AMMECR1: variants seen among roughly 807,000 people sequenced by gnomAD.
The protein encoded by AMMECR1 is nuclear protein AMMECR1.
In AMMECR1, 3 loss-of-function variants were observed where a neutral mutation model predicts 22.5. The observed-to-expected ratio is 0.13, with a 90% CI of 0.06 to 0.35. The LOEUF (loss-of-function observed/expected upper bound fraction) is 0.35. Among genes scored for constraint, AMMECR1 ranks in the 10% least tolerant of loss-of-function variants. The pLI, the probability that AMMECR1 is intolerant of heterozygous loss-of-function variation, is 1.00. For missense variants in AMMECR1, 235 were observed against 278.7 expected (o/e 0.84, Z 1.12); for synonymous variants, 130 against 116.7 (o/e 1.11, Z -0.74).
chrX:110,426,154 G>A lies in AMMECR1; in HGVS notation c.-148+504C>T, dbSNP rs780013969. On this transcript the variant is annotated intron_variant, in intron 2 of 7. Coordinates refer to the AMMECR1 transcript ENST00000372057. ...GATGCTATTAAATTTAACCTAAAGCGGGGGTTTTGCACCGGTGAGCAAAGT... is the reference window on the plus strand; with the variant it reads ...GATGCTATTAAATTTAACCTAAAGCAGGGGTTTTGCACCGGTGAGCAAAGT... Among the ~76,000 whole-genome samples, 4 of 112,209 alleles carry A rather than the reference G, an allele frequency of 3.6e-5. No individual in the cohort carries two copies. The South Asian group carries it at 1.1e-3, about 31-fold the overall frequency.
intron 2 of AMMECR1, among the ~76,000 whole-genome samples, chrX:110,401,324 G>A (rs1047816292): frequency 9.0e-6 from 1 of 110,919 alleles, no homozygotes; most frequent in African/African-American, 3.3e-5. Flanking sequence ...AGTGTGTCTC[G>A]GGGACTCAGT....
At chrX:110,354,806 A>G (rs1451923648) in intron 2 of AMMECR1, among the ~76,000 whole-genome samples, 2 of 112,084 alleles carry the variant, frequency 1.8e-5, no homozygotes, top group Non-Finnish European at 3.8e-5. Context: ...CATGCAGAAG[A>G]ATGAAACTAG....
intron 2 of AMMECR1, among the ~76,000 whole-genome samples, chrX:110,235,937 C>T (rs2067598512): frequency 9.2e-6 from 1 of 109,130 alleles, no homozygotes; most frequent in African/African-American, 3.4e-5. Flanking sequence ...GTTGTGCAGA[C>T]GTACCCTAGA....
intron 2 of AMMECR1, among the ~76,000 whole-genome samples, chrX:110,326,960 G>A (rs2068100121): frequency 8.9e-6 from 1 of 111,823 alleles, no homozygotes; most frequent in African/African-American, 3.3e-5. Context: ...TCAGGAAAAG[G>A]AAAGAATTTA....
intron 2 of AMMECR1, among the ~76,000 whole-genome samples, chrX:110,368,282 G>A (rs887529284): frequency 1.8e-5 from 2 of 110,571 alleles, no homozygotes; most frequent in African/African-American, 6.6e-5. Flanking sequence ...ACCGTCCGTG[G>A]CCTTTTATAT....
upstream of AMMECR1, among the ~76,000 whole-genome samples, chrX:110,319,113 T>A (rs1215623697): frequency 1.8e-5 from 2 of 112,664 alleles, no homozygotes; most frequent in Admixed American, 9.3e-5. Flanking sequence ...TATTCATTTT[T>A]AAAATTTCTC....
At chrX:110,342,501 A>C (rs2068168823) in intron 2 of AMMECR1, among the ~76,000 whole-genome samples, 1 of 110,907 alleles carries the variant, frequency 9.0e-6, no homozygotes, top group Admixed American at 9.5e-5. Context: ...CCTCCTGAGT[A>C]GCTGGGATTA....
At chrX:110,258,937 A>AG (rs1399034098) in intron 2 of AMMECR1, among the ~76,000 whole-genome samples, 2 of 112,026 alleles carry the variant, frequency 1.8e-5, no homozygotes, top group African/African-American at 6.5e-5. Context: ...CTACTATGAC[A>AG]GGGAAAATAT....
At chrX:110,290,679 TC>T (rs779265637) in intron 1 of AMMECR1, among the ~76,000 whole-genome samples, 13 of 111,261 alleles carry the variant, frequency 1.2e-4, no homozygotes, top group African/African-American at 3.9e-4. Flanking sequence ...ACAATTTCCC[TC>T]CTAAATCAAT....
chrX:110,241,127 A>G (rs1409062865), intron 2 of AMMECR1, among the ~76,000 whole-genome samples: 1 of 112,101 alleles, frequency 8.9e-6, no homozygotes, highest in Non-Finnish European at 1.9e-5. Flanking sequence ...AGGAGAAAGC[A>G]GGAAAGATCT....
intron 2 of AMMECR1, among the ~76,000 whole-genome samples, chrX:110,392,272 G>GTTTTT (rs377409601): frequency 4.7e-5 from 4 of 85,080 alleles, no homozygotes; most frequent in Middle Eastern, 5.9e-3. Flanking sequence ...TCTACCACAG[G>GTTTTT]TTTTTTTTTT....
chrX:110,411,573 A>G (rs772732471), intron 2 of AMMECR1, among the ~76,000 whole-genome samples: 1 of 112,205 alleles, frequency 8.9e-6, no homozygotes, highest in African/African-American at 3.2e-5. Context: ...GAAACTGTAG[A>G]ATCTATGAAG....
intron 1 of AMMECR1, among the ~76,000 whole-genome samples, chrX:110,293,128 C>A (rs973392699): frequency 1.8e-5 from 2 of 112,210 alleles, no homozygotes; most frequent in South Asian, 7.3e-4. Context: ...TACATAAATT[C>A]TAGTAGTATA....
intron 2 of AMMECR1, chrX:110,419,181 A>G (rs1352148746): frequency 1.8e-5 from 2 of 111,737 alleles, no homozygotes; most frequent in Non-Finnish European, 3.8e-5. Flanking sequence ...TCAGCTTCAA[A>G]ATGCATGTAC....
At chrX:110,288,548 T>C (rs1168687176) in intron 1 of AMMECR1, among the ~76,000 whole-genome samples, 2 of 111,945 alleles carry the variant, frequency 1.8e-5, no homozygotes, top group African/African-American at 6.5e-5. Flanking sequence ...ATCATAGACA[T>C]TACTGCAGGG....
At chrX:110,262,062 AATC>A (rs1410978616) in intron 2 of AMMECR1, among the ~76,000 whole-genome samples, 2 of 112,158 alleles carry the variant, frequency 1.8e-5, no homozygotes, top group African/African-American at 6.5e-5. Context: ...TAACAAAAAT[AATC>A]ATAATAACAT....
At chrX:110,282,575 C>T (rs769529056) in intron 1 of AMMECR1, among the ~76,000 whole-genome samples, 1 of 111,981 alleles carries the variant, frequency 8.9e-6, no homozygotes, top group East Asian at 2.8e-4. Flanking sequence ...GAGACCTCTA[C>T]TAGGTAGACG....
intron 5 of AMMECR1, among the ~76,000 whole-genome samples, chrX:110,200,089 C>T (rs1382911325): frequency 9.0e-6 from 1 of 111,424 alleles, no homozygotes; most frequent in Non-Finnish European, 1.9e-5. Context: ...AATCACTTTC[C>T]TCCTGTCAAA....
intron 1 of AMMECR1, among the ~76,000 whole-genome samples, chrX:110,298,751 T>C (rs1377820699): frequency 3.6e-5 from 4 of 111,286 alleles, no homozygotes; most frequent in Non-Finnish European, 7.6e-5. Flanking sequence ...ACAGAGCAGA[T>C]AATATAGAGG....
Sources: allele counts gnomAD v4.1 joint callset (sites outside exome capture counted in the v4.1 genomes callset), GRCh38; gene constraint gnomAD v4.1.1; transcripts MANE v1.5; gene names NCBI Gene and HGNC (gene_info 2026-07-23, HGNC 2026-07-21).